Variants in RSBN1 observed in about 807,000 individuals in gnomAD.
RSBN1 encodes round spermatid basic protein 1, also known as lysine-specific demethylase 9.
RSBN1 carries 23 observed loss-of-function variants against 74.8 expected under a neutral mutation model. The observed-to-expected ratio is 0.31, with a 90% CI of 0.22 to 0.44. The LOEUF is 0.44. Among genes scored for constraint, RSBN1 ranks in the 20% least tolerant of loss-of-function variants. The pLI is 1.00. For synonymous variants in RSBN1, 407 were observed against 379.6 expected, an observed-to-expected ratio of 1.07 and a Z score of -0.84; for missense variants, 808 against 1,020.9, an observed-to-expected ratio of 0.79 and a Z score of 2.84.
chr1:113,765,032 A>G lies in RSBN1; in HGVS notation c.*948T>C, dbSNP rs1207025689. 3 of 152,316 alleles carry G rather than the reference A, an allele frequency of 2.0e-5. No individual in the cohort carries two copies. The highest frequency in any genetic ancestry group is 3.7e-4 in the East Asian group (2 of 5,336). 9.4% of individuals were successfully genotyped at this position (152,316 alleles called of 1,614,324 possible). ...GTGAATTGAAGTGTCTCAGTAGTAG[A>G]TATTTATCATGAAGAGGTTGATGCC... On this transcript the variant is annotated 3_prime_UTR_variant, in exon 7 of 7. Coordinates refer to ENST00000261441, the MANE Select transcript of RSBN1 (RefSeq NM_018364.5).
At chr1:113,792,786 G>A (rs1163663599) in intron 2 of RSBN1, among the ~76,000 whole-genome samples, 1 of 152,012 alleles carries the variant, frequency 6.6e-6, no homozygotes, top group East Asian at 1.9e-4. Context: ...GCCACAGAGC[G>A]AGACCTCATC....
chr1:113,783,734 C>CA (rs1312238508), intron 2 of RSBN1, among the ~76,000 whole-genome samples: 6 of 152,084 alleles, frequency 3.9e-5, no homozygotes, highest in Non-Finnish European at 1.5e-5. Context: ...GGCTGCAACA[C>CA]AGAGTGGTAA....
chr1:113,808,638 T>A (rs1042164817), intron 1 of RSBN1, among the ~76,000 whole-genome samples: 1 of 152,204 alleles, frequency 6.6e-6, no homozygotes, highest in African/African-American at 2.4e-5. Context: ...ATCCATACCA[T>A]GGAACACTAT....
intron 2 of RSBN1, among the ~76,000 whole-genome samples, chr1:113,779,179 A>T (rs914160756): frequency 3.3e-5 from 5 of 152,146 alleles, no homozygotes; most frequent in African/African-American, 1.2e-4. Context: ...AATGAACATT[A>T]AAAAAAATTT....
chr1:113,779,762 C>G (rs561039219), intron 2 of RSBN1, among the ~76,000 whole-genome samples: 4 of 152,212 alleles, frequency 2.6e-5, no homozygotes, highest in African/African-American at 7.2e-5. Context: ...GTGGTGCATG[C>G]CTGTAATCCC....
chr1:113,773,753 C>A (rs933727260), intron 4 of RSBN1, among the ~76,000 whole-genome samples: 5 of 152,168 alleles, frequency 3.3e-5, no homozygotes, highest in African/African-American at 1.2e-4. Flanking sequence ...GCCTGTAATC[C>A]CAGCACTTGG....
At chr1:113,777,467 TA>T (rs1230760081) in intron 3 of RSBN1, 115 bp from the exon 4 acceptor site, 1 of 1,030,984 alleles carries the variant, frequency 9.7e-7, no homozygotes, top group Admixed American at 2.9e-5. Flanking sequence ...TATAAAGAAA[TA>T]AATGCTATTT....
At position 113,762,209 on chromosome 1, in the gene RSBN1, CAT is replaced by C. The variant is rs1359891597; in HGVS notation, c.*3769_*3770del. ...AACACTATTACATGAAAATTTACAA[CAT>C]GTGATAGTAGTACATAAGTATTTCT... On this transcript the variant is annotated 3_prime_UTR_variant, in exon 7 of 7. Transcript: ENST00000261441. The C allele has an allele frequency of 1.3e-5, 2 of 152,726 alleles. No homozygotes were observed. The highest frequency in any genetic ancestry group is 2.4e-5 in the African/African-American group (1 of 41,424). 9.5% of individuals were successfully genotyped at this position (152,726 alleles called of 1,614,324 possible).
intron 4 of RSBN1, among the ~76,000 whole-genome samples, chr1:113,774,719 G>A (rs1283916499): frequency 6.6e-6 from 1 of 151,658 alleles, no homozygotes; most frequent in Non-Finnish European, 1.5e-5. Flanking sequence ...AGCCAGGCAT[G>A]GTGGCAGGCA....
intron 1 of RSBN1, among the ~76,000 whole-genome samples, chr1:113,800,193 C>CTTG (rs1660553598): frequency 6.6e-6 from 1 of 152,044 alleles, no homozygotes; most frequent in Non-Finnish European, 1.5e-5. Flanking sequence ...ATAATATTTC[C>CTTG]TTCTAAGAAC....
intron 1 of RSBN1, among the ~76,000 whole-genome samples, chr1:113,800,547 T>C (rs1475310560): frequency 6.6e-6 from 1 of 152,198 alleles, no homozygotes; most frequent in Non-Finnish European, 1.5e-5. Flanking sequence ...CTTCTATTAA[T>C]GTTTTAGCAA....
rs1423242969 is a variant in RSBN1, at chr1:113,764,824, A to G, written c.*1156T>C. The G allele has an allele frequency of 6.6e-6, 1 of 152,264 alleles. No homozygotes were observed. The highest frequency in any genetic ancestry group is 1.5e-5 in the Non-Finnish European group (1 of 67,984). The allele number at this position is 152,264 out of a possible 1,614,324, so 9.4% of individuals were successfully genotyped here. A position where few individuals can be genotyped will look rare whatever the true frequency, so the allele number is the denominator to read the frequency against. Reference sequence around the variant, plus strand: ...TGAATCATGTTAACATTCTAAAATAACAGAAAGTTAGGACCATACTAGCAA... The same window carrying G: ...TGAATCATGTTAACATTCTAAAATAGCAGAAAGTTAGGACCATACTAGCAA... On this transcript the variant is annotated 3_prime_UTR_variant, in exon 7 of 7. Coordinates refer to ENST00000261441, the MANE Select transcript of RSBN1 (RefSeq NM_018364.5).
chr1:113,794,608 T>C (rs1022421097), intron 2 of RSBN1, among the ~76,000 whole-genome samples: 1 of 152,238 alleles, frequency 6.6e-6, no homozygotes, highest in Non-Finnish European at 1.5e-5. Flanking sequence ...AAAATGTTCT[T>C]ACCAAGTTAA....
chr1:113,787,990 A>C (rs1438670282), intron 2 of RSBN1, among the ~76,000 whole-genome samples: 3 of 152,164 alleles, frequency 2.0e-5, no homozygotes, highest in Non-Finnish European at 2.9e-5. Context: ...TGAACAACTT[A>C]AGAGTATAAA....
Position 113,812,327 on chromosome 1 carries a change from A to C in RSBN1, c.86T>G (p.Leu29Arg). The C allele has an allele frequency of 6.2e-7, 1 of 1,603,728 alleles. No homozygotes were observed. The highest frequency in any genetic ancestry group is 1.1e-5 in the South Asian group (1 of 91,028). ...QCPAGSARAA[L>R]ARCADGGAVG... ...CGCCCCCCCGTCCGCGCATCGCGCAAGCGCCGCCCGCGCACTGCCCGCTGG... is the reference window on the plus strand; with the variant it reads ...CGCCCCCCCGTCCGCGCATCGCGCACGCGCCGCCCGCGCACTGCCCGCTGG... The change falls in exon 1 of 7, where the codon CTT becomes CGT. Residue 29 changes from leucine (L) to arginine (R), a missense_variant. By Grantham distance (102) the Leu-to-Arg change is moderately radical. Transcript: ENST00000261441.
intron 2 of RSBN1, among the ~76,000 whole-genome samples, chr1:113,780,208 A>C (rs900766637): frequency 1.1e-4 from 16 of 152,198 alleles, no homozygotes; most frequent in African/African-American, 2.9e-4. Context: ...ACCTATCCTA[A>C]TTTAAAGCAG....
chr1:113,807,717 C>T (rs1355493144), intron 1 of RSBN1, among the ~76,000 whole-genome samples: 1 of 151,236 alleles, frequency 6.6e-6, no homozygotes, highest in East Asian at 1.9e-4. Flanking sequence ...GCCGAGATTG[C>T]ACCATTGCTC....
At chr1:113,766,658 G>C (rs1381662400) in intron 6 of RSBN1, among the ~76,000 whole-genome samples, 1 of 152,128 alleles carries the variant, frequency 6.6e-6, no homozygotes, top group Non-Finnish European at 1.5e-5. Context: ...TACCTCTTTA[G>C]TAACAAAGTA....
At position 113,797,758 on chromosome 1, in the gene RSBN1, G is replaced by A. The variant is rs777326547; in HGVS notation, c.982C>T (p.Arg328Trp). 2.2e-5 allele frequency: 35 copies of A among 1,613,944 alleles called. No individual in the cohort carries two copies. The Admixed American group carries it at 5.0e-4, about 23-fold the overall frequency. The change falls in exon 2 of 7, where the codon CGG becomes TGG. Residue 328 changes from arginine to tryptophan, a missense_variant. Arg to Trp is a moderately radical substitution (Grantham distance 101, BLOSUM62 -3). Transcript: ENST00000261441. The part of the protein sequence containing the change: ...CRLNLGMQEY[R>W]VPQGVQTPFM... ...GGTGTTTGTACTCCCTGGGGTACCCGATATTCTTGCATACCCAAATTTAAT... is the reference window on the plus strand; with the variant it reads ...GGTGTTTGTACTCCCTGGGGTACCCAATATTCTTGCATACCCAAATTTAAT...
Sources: gnomAD v4.1 joint callset for allele counts (sites outside exome capture counted in the v4.1 genomes callset) on GRCh38, gnomAD v4.1.1 for gene constraint, MANE v1.5 for transcripts, NCBI Gene and HGNC (gene_info 2026-07-23, HGNC 2026-07-21) for gene names.